GPLD1: variants seen among roughly 807,000 people sequenced by gnomAD.
The protein encoded by GPLD1 is glycosylphosphatidylinositol specific phospholipase D1.
A neutral mutation model predicts 112.6 loss-of-function variants in GPLD1; 84 were observed. That is an observed-to-expected ratio of 0.75 (90% CI 0.63 to 0.89). The LOEUF (loss-of-function observed/expected upper bound fraction) is 0.89. Ranked by LOEUF, GPLD1 falls within the 40% of genes least tolerant of loss-of-function variation. The pLI is 0.00. For synonymous variants in GPLD1, 386 were observed against 403.8 expected, an observed-to-expected ratio of 0.96 and a Z score of 0.53; for missense variants, 1,044 against 1,051.5, an observed-to-expected ratio of 0.99 and a Z score of 0.10.
chr6:24,463,555 T>C (rs1052735090), intron 10 of GPLD1, among the ~76,000 whole-genome samples: 2 of 152,214 alleles, frequency 1.3e-5, no homozygotes, highest in African/African-American at 2.4e-5. Flanking sequence ...GAAAAGGTTC[T>C]CTCTTTGGAC....
chr6:24,479,805 T>C, intron 3 of GPLD1, 76 bp downstream of exon 3: 1 of 793,284 alleles, frequency 1.3e-6, no homozygotes, highest in South Asian at 1.4e-5. Context: ...CACATATATA[T>C]ATATTTTTAA....
intron 2 of GPLD1, among the ~76,000 whole-genome samples, chr6:24,484,849 T>A (rs1026816435): frequency 2.0e-5 from 3 of 152,180 alleles, no homozygotes; most frequent in Non-Finnish European, 4.4e-5. Context: ...TACAATAAAT[T>A]TCAGTTATCT....
At chr6:24,489,595 A>AC, upstream of GPLD1, 3 of 1,589,292 alleles carry the variant, frequency 1.9e-6, no homozygotes, top group Non-Finnish European at 2.6e-6. Context: ...CCAGGTGCAG[A>AC]CCCACCGCTT....
intron 22 of GPLD1, among the ~76,000 whole-genome samples, chr6:24,436,366 A>C (rs1762578362): frequency 6.6e-6 from 1 of 152,206 alleles, no homozygotes; most frequent in African/African-American, 2.4e-5. Context: ...CATAACACCA[A>C]GTCCAGTGGG....
rs1288682276 is a variant in GPLD1, at chr6:24,489,543, G to A, written c.-32C>T. The A allele has an allele frequency of 6.2e-6, 10 of 1,613,306 alleles. No individual in the cohort carries two copies. The highest frequency in any genetic ancestry group is 4.5e-5 in the East Asian group (2 of 44,864). On this transcript the variant is annotated 5_prime_UTR_variant, in exon 1 of 25. It adds an upstream start codon to the 5' untranslated region. Coordinates refer to ENST00000230036, the MANE Select transcript of GPLD1 (RefSeq NM_001503.4). The stretch of plus-strand genomic sequence containing the variant: ...ATTGCCCACCGGCTTCTCTGGTGAC[G>A]TGGGAATGCTCAGAGCTGCAGCAGC...
intron 3 of GPLD1, among the ~76,000 whole-genome samples, chr6:24,479,244 C>T (rs2760143): frequency 0.49 from 74,050 of 151,914 alleles, 18,658 homozygotes; most frequent in African/African-American, 0.59. Flanking sequence ...ACATTCCAAA[C>T]TCTCTCACCA....
rs535592486 is a variant in GPLD1 at position 24,466,279 on chromosome 6, A to G, written c.821+401T>C. Among the ~76,000 whole-genome samples, 20 of 152,342 alleles carry G rather than the reference A, an allele frequency of 1.3e-4. No individual in the cohort carries two copies. The East Asian group carries it at 3.9e-3, about 29-fold the overall frequency. ...CGAGACTCCCTTGAACCCAGGAGGCAGAGGTTGCAGTGAAGCCGAGATCGT... is the reference window on the plus strand; with the variant it reads ...CGAGACTCCCTTGAACCCAGGAGGCGGAGGTTGCAGTGAAGCCGAGATCGT... On this transcript the variant is annotated intron_variant, in intron 10 of 24. Transcript: ENST00000230036.
At chr6:24,424,055 G>A (rs1228705834), downstream of GPLD1, 2 of 159,010 alleles carry the variant, frequency 1.3e-5, no homozygotes, top group Non-Finnish European at 2.8e-5. Flanking sequence ...AAGCCCATAG[G>A]TAGCTATAGT....
chr6:24,445,687 G>C, intron 19 of GPLD1, 39 bp downstream of exon 19: 1 of 1,598,754 alleles, frequency 6.3e-7, no homozygotes, highest in Non-Finnish European at 8.6e-7. Context: ...AAACTTCCTT[G>C]GAGTGTCCAC....
chr6:24,447,033 G>C, intron 17 of GPLD1, 54 bp from the exon 18 acceptor site: 1 of 1,517,670 alleles, frequency 6.6e-7, no homozygotes, highest in South Asian at 1.2e-5. Context: ...AGGACTACTG[G>C]GATGAAAAGA....
intron 14 of GPLD1, 60 bp downstream of exon 14, chr6:24,453,955 C>T: frequency 1.9e-6 from 2 of 1,072,370 alleles, no homozygotes; most frequent in Non-Finnish European, 2.8e-6. Context: ...GGAGAATCTG[C>T]CACAAAATGC....
chr6:24,490,355 A>T (rs568274285), upstream of GPLD1, among the ~76,000 whole-genome samples: 2 of 152,354 alleles, frequency 1.3e-5, no homozygotes, highest in African/African-American at 4.8e-5. Context: ...CTTAAAACAC[A>T]AATTATGCAT....
chr6:24,480,268 G>A (rs1419951480), intron 2 of GPLD1, among the ~76,000 whole-genome samples: 4 of 151,712 alleles, frequency 2.6e-5, no homozygotes, highest in Non-Finnish European at 5.9e-5. Context: ...AGTAAAGCAG[G>A]ATTTCCCTGA....
At chr6:24,432,572 G>T (rs1368743954) in intron 24 of GPLD1, among the ~76,000 whole-genome samples, 1 of 152,182 alleles carries the variant, frequency 6.6e-6, no homozygotes, top group African/African-American at 2.4e-5. Flanking sequence ...CTGCACTCCA[G>T]CATGGGCGAC....
At chr6:24,433,295 G>A (rs188795732) in intron 23 of GPLD1, 58 bp from the exon 24 acceptor site, 16 of 1,581,594 alleles carry the variant, frequency 1.0e-5, no homozygotes, top group East Asian at 4.5e-5. Flanking sequence ...TACTTTATCC[G>A]TTTAAAATAA....
At chr6:24,463,503 C>G (rs1365613317) in intron 10 of GPLD1, among the ~76,000 whole-genome samples, 3 of 152,200 alleles carry the variant, frequency 2.0e-5, no homozygotes, top group Admixed American at 2.0e-4. Context: ...TGAAGGCAGA[C>G]TCTTCCTACC....
chr6:24,479,882 T>C lies in GPLD1; in HGVS notation c.231A>G (p.Gly77=). 1 of 1,580,744 alleles carries C rather than the reference T, an allele frequency of 6.3e-7. No homozygotes were observed. The highest frequency in any genetic ancestry group is 8.7e-7 in the Non-Finnish European group (1 of 1,149,632). The part of the protein sequence containing the change: ...PDCFYPSICK[G]GKFHDVSEST... ...TCAGTCTGCAAACTTTCATCTTACC[T>C]CCTTTGCAGATGCTAGGGTAAAAAC... The change falls in exon 3 of 25, where the codon GGA becomes GGG. Residue 77 remains glycine (G), a splice_region_variant and synonymous_variant. Coordinates refer to ENST00000230036, the MANE Select transcript of GPLD1 (RefSeq NM_001503.4).
Position 24,489,486 on chromosome 6 carries a change from C to T in GPLD1, c.26G>A (p.Gly9Asp), listed in dbSNP as rs759319913. ...GAGAGAACCCAACATGATCAGCAGGCCAGGCCACAACCTGAAAGCAGACAT... is the reference window on the plus strand; with the variant it reads ...GAGAGAACCCAACATGATCAGCAGGTCAGGCCACAACCTGAAAGCAGACAT... MSAFRLWP[G>D]LLIMLGSLCH... Residue 9 changes from glycine to aspartate, a missense_variant, in exon 1 of 25, where the codon GGC becomes GAC. Transcript: ENST00000230036. The T allele has an allele frequency of 2.5e-6, 4 of 1,613,952 alleles. No individual in the cohort carries two copies. The South Asian group carries it at 4.4e-5, about 18-fold the overall frequency.
intron 20 of GPLD1, among the ~76,000 whole-genome samples, chr6:24,439,936 C>T (rs1019201706): frequency 6.6e-6 from 1 of 152,284 alleles, no homozygotes; most frequent in African/African-American, 2.4e-5. Context: ...ATTTCTGCCA[C>T]GAGCACTAGT....
Sources: gnomAD v4.1 joint callset for allele counts (sites outside exome capture counted in the v4.1 genomes callset) on GRCh38, gnomAD v4.1.1 for gene constraint, MANE v1.5 for transcripts, NCBI Gene and HGNC (gene_info 2026-07-23, HGNC 2026-07-21) for gene names.